SNTB1: variants seen among roughly 807,000 people sequenced by gnomAD.
SNTB1 encodes the protein beta-1-syntrophin.
SNTB1 carries 36 observed loss-of-function variants against 48.9 expected under a neutral mutation model. That is an observed-to-expected ratio of 0.74 (90% CI 0.56 to 0.97). The LOEUF is 0.97. Among genes scored for constraint, SNTB1 ranks in the 50% least tolerant of loss-of-function variants. The pLI, the probability that SNTB1 is intolerant of heterozygous loss-of-function variation, is 0.00. For synonymous variants in SNTB1, 299 were observed against 294.6 expected, an observed-to-expected ratio of 1.01 and a Z score of -0.15; for missense variants, 786 against 703.4, an observed-to-expected ratio of 1.12 and a Z score of -1.33.
At chr8:120,781,297 C>T (rs1819826724) in intron 1 of SNTB1, among the ~76,000 whole-genome samples, 1 of 152,130 alleles carries the variant, frequency 6.6e-6, no homozygotes, top group African/African-American at 2.4e-5. Flanking sequence ...GGGAAGTAAG[C>T]TAGGCATTGA....
chr8:120,739,077 C>A (rs544019164), intron 1 of SNTB1, among the ~76,000 whole-genome samples: 2 of 152,174 alleles, frequency 1.3e-5, no homozygotes, highest in African/African-American at 4.8e-5. Flanking sequence ...CCTCAGAATG[C>A]GGCAAACTCC....
rs372317284 is a variant in SNTB1 at position 120,608,197 on chromosome 8, T to A, written c.996+24247A>T. On this transcript the variant is annotated intron_variant, in intron 3 of 6. Transcript: ENST00000517992. ...ACACCCAATGAAGATGAGCTCACTG[T>A]CCAAAATTTCAAATTGCAAAAGATA... Among the ~76,000 whole-genome samples, 6 of 152,268 alleles carry A rather than the reference T, an allele frequency of 3.9e-5. No homozygotes were observed. In the East Asian group the frequency reaches 9.6e-4, roughly 24 times the overall value.
intron 1 of SNTB1, among the ~76,000 whole-genome samples, chr8:120,707,009 T>C (rs1337937202): frequency 1.3e-5 from 2 of 152,158 alleles, no homozygotes; most frequent in African/African-American, 4.8e-5. Context: ...GAAGGTAAGG[T>C]AGATGGTGAC....
intron 3 of SNTB1, among the ~76,000 whole-genome samples, chr8:120,620,396 T>C (rs955336376): frequency 5.9e-5 from 9 of 152,296 alleles, no homozygotes; most frequent in African/African-American, 2.2e-4. Flanking sequence ...TTGTCAAAAG[T>C]CACTCAACCA....
At chr8:120,539,081 T>C (rs1815244595) in intron 6 of SNTB1, 112 bp from the exon 7 acceptor site, 1 of 734,010 alleles carries the variant, frequency 1.4e-6, no homozygotes, top group Middle Eastern at 2.6e-4. Context: ...AAATGTTGAC[T>C]GGAGCAATTA....
chr8:120,774,946 G>A (rs1234680397), intron 1 of SNTB1, among the ~76,000 whole-genome samples: 2 of 152,114 alleles, frequency 1.3e-5, no homozygotes, highest in East Asian at 1.9e-4. Flanking sequence ...GAGCCACCAC[G>A]CCCGGCCAGA....
At chr8:120,602,490 A>T (rs1257723259) in intron 3 of SNTB1, among the ~76,000 whole-genome samples, 2 of 152,214 alleles carry the variant, frequency 1.3e-5, no homozygotes, top group Non-Finnish European at 2.9e-5. Flanking sequence ...CCCCGAAAGA[A>T]AGGAATTCTG....
intron 1 of SNTB1, among the ~76,000 whole-genome samples, chr8:120,749,757 A>G (rs1419562050): frequency 6.6e-6 from 1 of 152,062 alleles, no homozygotes; most frequent in Non-Finnish European, 1.5e-5. Context: ...AGCAACTGCA[A>G]TATGTGGGTT....
intron 3 of SNTB1, among the ~76,000 whole-genome samples, chr8:120,631,343 C>A (rs916012940): frequency 6.6e-6 from 1 of 152,114 alleles, no homozygotes; most frequent in Non-Finnish European, 1.5e-5. Flanking sequence ...TCTTTGAAAT[C>A]TTTGAGAGAT....
intron 3 of SNTB1, among the ~76,000 whole-genome samples, chr8:120,607,444 T>C (rs894504001): frequency 2.0e-5 from 3 of 152,142 alleles, no homozygotes; most frequent in Non-Finnish European, 1.5e-5. Flanking sequence ...TTAGGGTACA[T>C]GTGCACAACG....
chr8:120,666,927 T>G (rs1276548279), intron 2 of SNTB1, among the ~76,000 whole-genome samples: 1 of 152,158 alleles, frequency 6.6e-6, no homozygotes, highest in Non-Finnish European at 1.5e-5. Flanking sequence ...TGTTTTTACT[T>G]AACTTTTTGA....
At chr8:120,702,884 A>G (rs1333696505) in intron 1 of SNTB1, among the ~76,000 whole-genome samples, 1 of 152,114 alleles carries the variant, frequency 6.6e-6, no homozygotes, top group Non-Finnish European at 1.5e-5. Context: ...TCACTTTTCC[A>G]TGTGAAAAAT....
chr8:120,723,774 C>T (rs1209364939), intron 1 of SNTB1, among the ~76,000 whole-genome samples: 3 of 152,180 alleles, frequency 2.0e-5, no homozygotes, highest in Non-Finnish European at 4.4e-5. Context: ...AGCAAGACTA[C>T]CATAAAGAAC....
rs964614608 is a variant in SNTB1, at chr8:120,571,068, A to C, written c.1136+4018T>G. ...AATTATAACTCCTGGCACATAGTAG[A>C]TGATTTATAAATGTTGACTGATGAA... On this transcript the variant is annotated intron_variant, in intron 4 of 6. Coordinates refer to ENST00000517992, the MANE Select transcript of SNTB1 (RefSeq NM_021021.4). 7 of 577,822 alleles carry C rather than the reference A, an allele frequency of 1.2e-5. No homozygotes were observed. The Admixed American group carries it at 2.4e-4, about 20-fold the overall frequency. 35.8% of individuals were successfully genotyped at this position (577,822 alleles called of 1,614,324 possible).
intron 3 of SNTB1, among the ~76,000 whole-genome samples, chr8:120,629,475 T>C (rs1457838373): frequency 6.6e-6 from 1 of 152,146 alleles, no homozygotes; most frequent in Admixed American, 6.5e-5. Flanking sequence ...AGAACATCAA[T>C]TTAAGATCAA....
chr8:120,811,614 G>T lies in SNTB1; in HGVS notation c.230C>A (p.Pro77Gln), dbSNP rs766992193. The T allele has an allele frequency of 6.3e-7, 1 of 1,587,020 alleles. No individual in the cohort carries two copies. Among genetic ancestry groups the T allele is most frequent in the Admixed American group, 1.8e-5 (1 of 55,346 alleles). Residue 77 changes from proline (P) to glutamine (Q), a missense_variant, in exon 1 of 7, where the codon CCG (proline) becomes CAG (glutamine). Pro to Gln is a moderately conservative substitution (Grantham distance 76). Coordinates refer to ENST00000517992, the MANE Select transcript of SNTB1 (RefSeq NM_021021.4). ...SFCRGAGAGHPGAGGAQPPDS... is the reference protein window; with the variant it reads ...SFCRGAGAGHQGAGGAQPPDS... The stretch of plus-strand genomic sequence containing the variant: ...CGGGGGCTGCGCGCCGCCCGCGCCC[G>T]GGTGCCCAGCCCCGGCGCCCCTGCA...
intron 2 of SNTB1, among the ~76,000 whole-genome samples, chr8:120,669,142 G>A (rs1428473261): frequency 6.6e-6 from 1 of 152,204 alleles, no homozygotes; most frequent in East Asian, 1.9e-4. Context: ...ATGAGTTGGA[G>A]CAGTTGACAT....
chr8:120,755,181 A>T (rs1026383574), intron 1 of SNTB1, among the ~76,000 whole-genome samples: 4 of 150,252 alleles, frequency 2.7e-5, no homozygotes, highest in African/African-American at 4.9e-5. Context: ...TGAGAGAGAG[A>T]GAGAGAGCGA....
intron 2 of SNTB1, among the ~76,000 whole-genome samples, chr8:120,646,410 C>G (rs1444138179): frequency 1.3e-5 from 2 of 149,526 alleles, no homozygotes; most frequent in African/African-American, 4.9e-5. Flanking sequence ...TTTTCTGCAT[C>G]TATTGAGATA....
Sources: allele counts gnomAD v4.1 joint callset (sites outside exome capture counted in the v4.1 genomes callset), GRCh38; gene constraint gnomAD v4.1.1; transcripts MANE v1.5; gene names NCBI Gene and HGNC (gene_info 2026-07-23, HGNC 2026-07-21).